Variants in DNAJC17 observed in about 807,000 individuals in gnomAD.
The protein encoded by DNAJC17 is DnaJ heat shock protein family (Hsp40) member C17.
Under a neutral mutation model 48.1 loss-of-function variants are expected in DNAJC17, and 35 were observed. That is an observed-to-expected ratio of 0.73 (90% CI 0.56 to 0.96). DNAJC17 has a LOEUF of 0.96. Among genes scored for constraint, DNAJC17 ranks in the 50% least tolerant of loss-of-function variants. The pLI, the probability that DNAJC17 is intolerant of heterozygous loss-of-function variation, is 0.00. For missense variants in DNAJC17, 355 were observed against 377.1 expected, an observed-to-expected ratio of 0.94 and a Z score of 0.48; for synonymous variants, 117 against 142.7, an observed-to-expected ratio of 0.82 and a Z score of 1.28.
In DNAJC17 at chr15:40,776,642, T is replaced by G. The variant is rs1889334752; in HGVS notation, c.296-15A>C. ...GGCCTCCAGGTCTAGACACAAGGGT[T>G]GAATGACCAGACTGCTGGTCTGTTC... On this transcript the variant is annotated splice_polypyrimidine_tract_variant and intron_variant, in intron 4 of 10. Transcript: ENST00000220496. 2 of 1,613,612 alleles carry G rather than the reference T, an allele frequency of 1.2e-6. No homozygotes were observed. Among genetic ancestry groups the G allele is most frequent in the East Asian group, 4.5e-5 (2 of 44,870 alleles).
intron 1 of DNAJC17, chr15:40,780,451 C>A (rs1235790089): frequency 2.4e-6 from 1 of 408,822 alleles, no homozygotes; most frequent in Admixed American, 2.7e-5. Context: ...AATAAATATA[C>A]AAGGATGCTC....
intron 1 of DNAJC17, among the ~76,000 whole-genome samples, chr15:40,802,772 T>C (rs1461646523): frequency 6.6e-6 from 1 of 152,056 alleles, no homozygotes; most frequent in African/African-American, 2.4e-5. Flanking sequence ...ACAGGGAGCT[T>C]GGCCTCCATT....
intron 8 of DNAJC17, 133 bp downstream of exon 8, chr15:40,774,898 A>G (rs1420859754): frequency 2.2e-6 from 2 of 902,646 alleles, no homozygotes; most frequent in Admixed American, 2.3e-5. Flanking sequence ...AAGACGTCCC[A>G]TGGTCTATGA....
chr15:40,774,594 A>G (rs1423396343), intron 8 of DNAJC17, among the ~76,000 whole-genome samples, 158 bp from the exon 9 acceptor site: 1 of 152,258 alleles, frequency 6.6e-6, no homozygotes, highest in Non-Finnish European at 1.5e-5. Context: ...GTGAGATCAG[A>G]GATAGGAAAG....
In DNAJC17 at chr15:40,767,719, T is replaced by C. The variant is rs1212537598; in HGVS notation, c.*221A>G. The stretch of plus-strand genomic sequence containing the variant: ...GGGCTGTGATGAGTGGCTGCGCCTG[T>C]GCTCTGCTTGTGCACGGACTCTGGG... On this transcript the variant is annotated 3_prime_UTR_variant, in exon 11 of 11. Transcript: ENST00000220496. 3 of 663,356 alleles carry C rather than the reference T, an allele frequency of 4.5e-6. No homozygotes were observed. The highest frequency in any genetic ancestry group is 1.8e-5 in the African/African-American group (1 of 54,128). 41.1% of individuals were successfully genotyped at this position (663,356 alleles called of 1,614,324 possible). A position where few individuals can be genotyped will look rare whatever the true frequency, so the allele number is the denominator to read the frequency against.
At chr15:40,778,809 G>A (rs1889399550) in intron 4 of DNAJC17, among the ~76,000 whole-genome samples, 1 of 152,128 alleles carries the variant, frequency 6.6e-6, no homozygotes, top group Non-Finnish European at 1.5e-5. Flanking sequence ...AGTGGTGCAT[G>A]CCTGTAGTCC....
At chr15:40,793,716 G>T (rs1021960273) in intron 1 of DNAJC17, among the ~76,000 whole-genome samples, 5 of 151,948 alleles carry the variant, frequency 3.3e-5, no homozygotes, top group Non-Finnish European at 5.9e-5. Flanking sequence ...AATGAAAACA[G>T]CAAGAACTGA....
rs374405438 is a variant in DNAJC17, at chr15:40,779,986, C to T, written c.90G>A (p.Ala30=). Residue 30 remains alanine (A), a synonymous_variant, in exon 2 of 11, where the codon GCG becomes GCA. Coordinates refer to ENST00000220496, the MANE Select transcript of DNAJC17 (RefSeq NM_018163.3). ...EKAADKEVKK[A]YRQKALSCHP... ...GGCAGGAGAGGGCCTTCTGCCTATACGCCTTCTTTACCTGGAAGAGTCAGA... is the reference window on the plus strand; with the variant it reads ...GGCAGGAGAGGGCCTTCTGCCTATATGCCTTCTTTACCTGGAAGAGTCAGA... 163 of 1,614,028 alleles carry T rather than the reference C, an allele frequency of 1.0e-4. No homozygotes were observed. Among genetic ancestry groups the T allele is most frequent in the Admixed American group, 8.5e-4 (51 of 60,010 alleles).
At chr15:40,807,130 C>G in intron 1 of DNAJC17, 1 of 1,008,062 alleles carries the variant, frequency 9.9e-7, no homozygotes, top group South Asian at 1.7e-5. Flanking sequence ...GAGACAGGGG[C>G]CACGGGGAGA....
intron 9 of DNAJC17, 192 bp downstream of exon 9, chr15:40,774,164 C>T (rs1596075876): frequency 3.0e-6 from 2 of 661,438 alleles, no homozygotes; most frequent in East Asian, 5.3e-5. Flanking sequence ...CCAGAGCACC[C>T]CCCATCCATC....
At chr15:40,776,832 G>A in intron 4 of DNAJC17, 1 of 566,630 alleles carries the variant, frequency 1.8e-6, no homozygotes, top group South Asian at 2.0e-5. Flanking sequence ...TAGCAGAGTG[G>A]CCAGGGGTCT....
intron 4 of DNAJC17, among the ~76,000 whole-genome samples, chr15:40,777,096 C>T (rs931864707): frequency 6.6e-5 from 10 of 152,294 alleles, no homozygotes; most frequent in Admixed American, 5.9e-4. Context: ...TCACTGTGGA[C>T]CTGGCTACAG....
At chr15:40,805,405 G>C (rs1890181562) in intron 1 of DNAJC17, among the ~76,000 whole-genome samples, 1 of 151,092 alleles carries the variant, frequency 6.6e-6, no homozygotes, top group Non-Finnish European at 1.5e-5. Flanking sequence ...AAATTAGCCG[G>C]GCGTGGTGGT....
intron 1 of DNAJC17, among the ~76,000 whole-genome samples, chr15:40,790,251 A>G (rs1889763404): frequency 6.6e-6 from 1 of 152,008 alleles, no homozygotes. Context: ...AGTGTGGGTC[A>G]CGGAAAAAGT....
Position 40,800,667 on chromosome 15 carries a change from C to T in DNAJC17, c.78+6702G>A, listed in dbSNP as rs1381301069. On this transcript the variant is annotated intron_variant, in intron 1 of 10. Coordinates refer to ENST00000220496, the MANE Select transcript of DNAJC17 (RefSeq NM_018163.3). ...TACAATCATTTAAACATGTAAAACCCATTCTTAGCACATAAGCCATTAAAA... is the reference window on the plus strand; with the variant it reads ...TACAATCATTTAAACATGTAAAACCTATTCTTAGCACATAAGCCATTAAAA... Among the ~76,000 whole-genome samples the T allele has an allele frequency of 4.7e-5, 7 of 150,394 alleles. No homozygotes were observed. The East Asian group carries it at 1.2e-3, about 25-fold the overall frequency.
chr15:40,799,259 C>T (rs1468726393), intron 1 of DNAJC17, among the ~76,000 whole-genome samples: 2 of 150,244 alleles, frequency 1.3e-5, no homozygotes, highest in Admixed American at 6.6e-5. Context: ...ATTTGGTGCT[C>T]GCTGCTTCAG....
rs907456076 is a variant in DNAJC17, at chr15:40,774,930, G to A, written c.600+101C>T. 2.0e-5 allele frequency: 25 copies of A among 1,230,304 alleles called. No homozygotes were observed. The Admixed American group carries it at 4.7e-4, about 23-fold the overall frequency. 76.2% of individuals were successfully genotyped at this position (1,230,304 alleles called of 1,614,324 possible). A position where few individuals can be genotyped will look rare whatever the true frequency, so the allele number is the denominator to read the frequency against. ...ATGAGACAGAAAAAAAAAGCAAGTA[G>A]ATATGTTAAGGGAAGTTCAGGCATT... On this transcript the variant is annotated intron_variant, in intron 8 of 10. Transcript: ENST00000220496.
At chr15:40,775,321 T>C in intron 7 of DNAJC17, 1 of 698,022 alleles carries the variant, frequency 1.4e-6, no homozygotes, top group South Asian at 1.8e-5. Context: ...GAAGACCCTC[T>C]CCTGAGAGGG....
intron 1 of DNAJC17, among the ~76,000 whole-genome samples, chr15:40,782,841 T>C (rs1889540101): frequency 6.6e-6 from 1 of 152,066 alleles, no homozygotes; most frequent in Non-Finnish European, 1.5e-5. Flanking sequence ...GCACCTGCCA[T>C]GGCAGCCCAA....
Sources: allele counts gnomAD v4.1 joint callset (sites outside exome capture counted in the v4.1 genomes callset), GRCh38; gene constraint gnomAD v4.1.1; transcripts MANE v1.5; gene names NCBI Gene and HGNC (gene_info 2026-07-23, HGNC 2026-07-21).